The following DOCK3 variants were observed in gnomAD, a reference collection of about 807,000 sequenced individuals.
DOCK3 encodes the protein dedicator of cytokinesis protein 3.
A neutral mutation model predicts 265.6 loss-of-function variants in DOCK3; 60 were observed. That is an observed-to-expected ratio of 0.23 (90% confidence interval 0.18 to 0.28). The LOEUF (loss-of-function observed/expected upper bound fraction) is 0.28, where lower values mean the gene tolerates loss of function less well. DOCK3 is among the 10% of genes least tolerant of loss of function. The pLI, the probability that DOCK3 is intolerant of heterozygous loss-of-function variation, is 1.00. For missense variants in DOCK3, 1,981 were observed against 2,594.3 expected (o/e 0.76, Z 5.14); for synonymous variants, 881 against 938.0 (o/e 0.94, Z 1.11).
At chr3:50,922,331 C>T (rs1280018793) in intron 4 of DOCK3, among the ~76,000 whole-genome samples, 2 of 152,230 alleles carry the variant, frequency 1.3e-5, no homozygotes, top group Non-Finnish European at 2.9e-5. Flanking sequence ...GATCGAGGCT[C>T]CGTGGGTGTA....
At chr3:51,093,553 G>T (rs1227743548) in intron 9 of DOCK3, among the ~76,000 whole-genome samples, 2 of 152,218 alleles carry the variant, frequency 1.3e-5, no homozygotes, top group African/African-American at 4.8e-5. Flanking sequence ...CTTTGCTGAA[G>T]TTACTTATCA....
intron 5 of DOCK3, among the ~76,000 whole-genome samples, chr3:51,056,327 C>A (rs1021680983): frequency 6.6e-6 from 1 of 152,222 alleles, no homozygotes; most frequent in African/African-American, 2.4e-5. Flanking sequence ...CGGCTCACTG[C>A]AAGCTCTGCC....
In DOCK3 at chr3:51,067,456, T is replaced by TGTGTGTGTGC. The variant is rs1553750450; in HGVS notation, c.464+2861_464+2862insTGTGTGTGCG. 6.1e-3 allele frequency among the ~76,000 whole-genome samples: 920 copies of TGTGTGTGTGC among 150,298 alleles called. 2 individuals carry two copies. The highest frequency in any genetic ancestry group is 8.2e-3 in the Non-Finnish European group (552 of 67,620). ...GTGTGTGTGTGTGTGTGTGTGTGTGTGCGCGCGCGTTGGAGGGGTATGTAT... is the reference window on the plus strand; with the variant it reads ...GTGTGTGTGTGTGTGTGTGTGTGTGTGTGTGTGTGCGCGCGCGCGTTGGAGGGGTATGTAT... On this transcript the variant is annotated intron_variant, in intron 6 of 52. Coordinates refer to ENST00000266037, the MANE Select transcript of DOCK3 (RefSeq NM_004947.5).
chr3:51,048,373 A>G (rs951238937), intron 5 of DOCK3, among the ~76,000 whole-genome samples: 3 of 152,162 alleles, frequency 2.0e-5, no homozygotes. Flanking sequence ...CAGGTTGAAT[A>G]TCCCTTAGCT....
chr3:50,705,711 A>C (rs73072446), intron 1 of DOCK3, among the ~76,000 whole-genome samples: 1 of 152,058 alleles, frequency 6.6e-6, no homozygotes, highest in Non-Finnish European at 1.5e-5. Context: ...TACCCTGCCC[A>C]GTCGAGATCT....
intron 5 of DOCK3, among the ~76,000 whole-genome samples, chr3:50,956,913 A>G (rs1200344176): frequency 6.6e-6 from 1 of 152,052 alleles, no homozygotes; most frequent in Non-Finnish European, 1.5e-5. Context: ...CCCAGGCTGG[A>G]GTGCAGTGAC....
chr3:51,034,895 T>C (rs1335149480), intron 5 of DOCK3, among the ~76,000 whole-genome samples: 3 of 152,132 alleles, frequency 2.0e-5, no homozygotes, highest in African/African-American at 4.8e-5. Context: ...ACATTAAATA[T>C]GTTATTCCAT....
intron 12 of DOCK3, among the ~76,000 whole-genome samples, chr3:51,182,836 T>C (rs1174494382): frequency 6.6e-6 from 1 of 152,216 alleles, no homozygotes; most frequent in Non-Finnish European, 1.5e-5. Flanking sequence ...AAAAAAGCTT[T>C]TATAGACAGA....
At chr3:51,127,990 A>G (rs184009494) in intron 9 of DOCK3, among the ~76,000 whole-genome samples, 3 of 152,312 alleles carry the variant, frequency 2.0e-5, no homozygotes, top group East Asian at 3.9e-4. Context: ...TTGATAGTCC[A>G]GGTCAGTCAC....
chr3:51,008,712 G>A (rs1400015221), intron 5 of DOCK3, among the ~76,000 whole-genome samples: 1 of 152,156 alleles, frequency 6.6e-6, no homozygotes, highest in East Asian at 1.9e-4. Flanking sequence ...CAAAGGGAAT[G>A]CTTCCAGTTT....
At chr3:51,200,551 G>A (rs1466583318) in intron 12 of DOCK3, among the ~76,000 whole-genome samples, 2 of 151,366 alleles carry the variant, frequency 1.3e-5, no homozygotes, top group African/African-American at 4.9e-5. Context: ...TCTGATTGGT[G>A]TACCTGAAAG....
chr3:50,955,042 G>T lies in DOCK3; in HGVS notation c.315+20965G>T, dbSNP rs116434494. Among the ~76,000 whole-genome samples, 840 of 152,128 alleles carry T rather than the reference G, an allele frequency of 5.5e-3. 7 individuals are homozygous for T. The highest frequency in any genetic ancestry group is 0.036 in the South Asian group (171 of 4,812). On this transcript the variant is annotated intron_variant, in intron 5 of 52. Transcript: ENST00000266037. ...GTCCAGTTTCAATCTTCCATGTATG[G>T]CTAGCCAGTTATTTCAGCACCACTT...
At position 51,361,403 on chromosome 3, in the gene DOCK3, CAGCCGGCTATTTTGGT is replaced by C. The variant is rs1187762953; in HGVS notation, c.5007-452_5007-437del. On this transcript the variant is annotated intron_variant, in intron 47 of 52. Transcript: ENST00000266037. The surrounding 1 kb of genome is among the most constrained non-coding windows in gnomAD (Gnocchi z 4.2). ...TGGAAGGAGGCCTGCAGATAGTTCA[CAGCCGGCTATTTTGGT>C]AGCTTCCCACACTAGGAAGAAGCCT... Among the ~76,000 whole-genome samples, 1 of 151,842 alleles carries C rather than the reference CAGCCGGCTATTTTGGT, an allele frequency of 6.6e-6. No individual in the cohort carries two copies. The highest frequency in any genetic ancestry group is 1.5e-5 in the Non-Finnish European group (1 of 67,990).
At chr3:50,685,012 T>C (rs2034681345) in intron 1 of DOCK3, among the ~76,000 whole-genome samples, 1 of 150,554 alleles carries the variant, frequency 6.6e-6, no homozygotes, top group African/African-American at 2.4e-5. Flanking sequence ...CATATTGTCA[T>C]ATCTTTTTAG....
chr3:50,927,322 C>T (rs1390575816), intron 4 of DOCK3, among the ~76,000 whole-genome samples: 1 of 152,050 alleles, frequency 6.6e-6, no homozygotes, highest in African/African-American at 2.4e-5. Flanking sequence ...ACCGAAATAC[C>T]GCTAGATAGA....
intron 22 of DOCK3, among the ~76,000 whole-genome samples, chr3:51,257,156 A>G (rs2079591918): frequency 6.6e-6 from 1 of 152,216 alleles, no homozygotes; most frequent in Non-Finnish European, 1.5e-5. Flanking sequence ...TGTTCTCACC[A>G]CTTCACACTT....
chr3:50,933,243 A>G (rs1188489461), intron 4 of DOCK3, among the ~76,000 whole-genome samples: 1 of 152,096 alleles, frequency 6.6e-6, no homozygotes, highest in Non-Finnish European at 1.5e-5. Flanking sequence ...TTTCATTTTC[A>G]TTTTAGATTT....
chr3:50,755,464 C>A (rs150390195), intron 1 of DOCK3, among the ~76,000 whole-genome samples: 3 of 152,254 alleles, frequency 2.0e-5, no homozygotes, highest in African/African-American at 7.2e-5. Flanking sequence ...TTTGGACTTG[C>A]AAGTGACTTT....
At chr3:50,964,021 C>G (rs2076960191) in intron 5 of DOCK3, among the ~76,000 whole-genome samples, 1 of 152,160 alleles carries the variant, frequency 6.6e-6, no homozygotes, top group Non-Finnish European at 1.5e-5. Flanking sequence ...TAGTACAGTG[C>G]CTGCATTTAC....
Sources: allele counts gnomAD v4.1 joint callset (sites outside exome capture counted in the v4.1 genomes callset), GRCh38; gene constraint gnomAD v4.1.1; non-coding constraint Gnocchi (gnomAD v3.1); transcripts MANE v1.5; gene names NCBI Gene and HGNC (gene_info 2026-07-23, HGNC 2026-07-21).